FHIT: variants seen among roughly 807,000 people sequenced by gnomAD.
FHIT encodes bis(5'-adenosyl)-triphosphatase.
FHIT carries 19 observed loss-of-function variants against 17.9 expected under a neutral mutation model. That is an observed-to-expected ratio of 1.06 (90% CI 0.74 to 1.56). The LOEUF is 1.56. Among genes scored for constraint, FHIT ranks in the 40% most tolerant of loss-of-function variants. The pLI is 0.00. For synonymous variants in FHIT, 81 were observed against 69.7 expected (o/e 1.16, Z -0.81); for missense variants, 248 against 189.2 (o/e 1.31, Z -1.82).
rs534026531 is a variant in FHIT at position 60,853,979 on chromosome 3, G to A, written c.-110-31968C>T. ...TAATTTGAGTCCTGATTACCTTACT[G>A]TGAAAAACCGTAAACACCAAACAAA... On this transcript the variant is annotated intron_variant, in intron 3 of 9. Transcript: ENST00000492590. Among the ~76,000 whole-genome samples, 3 of 152,142 alleles carry A rather than the reference G, an allele frequency of 2.0e-5. No homozygotes were observed. In the East Asian group the frequency reaches 5.8e-4, roughly 29 times the overall value.
At chr3:59,776,695 C>T (rs1391304623) in intron 8 of FHIT, among the ~76,000 whole-genome samples, 2 of 152,168 alleles carry the variant, frequency 1.3e-5, no homozygotes, top group African/African-American at 4.8e-5. Flanking sequence ...ATGATTCTCC[C>T]CTTCAATAAT....
chr3:60,652,107 G>A (rs1270291247), intron 4 of FHIT, among the ~76,000 whole-genome samples: 1 of 152,128 alleles, frequency 6.6e-6, no homozygotes, highest in Admixed American at 6.5e-5. Context: ...AGAAAGAATC[G>A]AGCCTCAGAA....
chr3:61,101,656 T>G (rs1175447409), intron 2 of FHIT, among the ~76,000 whole-genome samples: 5 of 152,202 alleles, frequency 3.3e-5, no homozygotes, highest in Non-Finnish European at 2.9e-5. Flanking sequence ...GGATGGGCAT[T>G]TTAATGGTAT....
intron 3 of FHIT, among the ~76,000 whole-genome samples, chr3:60,891,852 T>C (rs1553760769): frequency 6.6e-6 from 1 of 152,178 alleles, no homozygotes; most frequent in African/African-American, 2.4e-5. Context: ...AATATCATAC[T>C]TGATCTTCAT....
chr3:59,882,250 T>C (rs1703438841), intron 8 of FHIT, among the ~76,000 whole-genome samples: 1 of 152,164 alleles, frequency 6.6e-6, no homozygotes. Context: ...ATTTAAAACA[T>C]ATTCACACTT....
intron 4 of FHIT, among the ~76,000 whole-genome samples, chr3:60,790,580 C>T (rs1361385065): frequency 7.2e-5 from 11 of 152,244 alleles, no homozygotes; most frequent in East Asian, 3.9e-4. Context: ...AAGGATAGAG[C>T]GAAACTTCCA....
chr3:60,468,441 CTTT>C (rs1267051892), intron 5 of FHIT, among the ~76,000 whole-genome samples: 1 of 151,870 alleles, frequency 6.6e-6, no homozygotes, highest in African/African-American at 2.4e-5. Context: ...TTATTGCTTG[CTTT>C]TTTATTTTTT....
At chr3:60,467,209 T>C (rs1010104658) in intron 5 of FHIT, among the ~76,000 whole-genome samples, 39 of 151,868 alleles carry the variant, frequency 2.6e-4, no homozygotes, top group Admixed American at 1.2e-3. Context: ...TCAATTGTAA[T>C]GTCTCCTTTT....
At chr3:60,774,039 G>C (rs1367428435) in intron 4 of FHIT, among the ~76,000 whole-genome samples, 1 of 152,106 alleles carries the variant, frequency 6.6e-6, no homozygotes, top group Non-Finnish European at 1.5e-5. Context: ...ATGAGCTTAA[G>C]GAAGATACGA....
intron 5 of FHIT, among the ~76,000 whole-genome samples, chr3:60,470,830 G>A (rs1487493380): frequency 6.6e-6 from 1 of 152,150 alleles, no homozygotes; most frequent in South Asian, 2.1e-4. Flanking sequence ...CACAACTGAA[G>A]CCAGCAGGGC....
chr3:60,001,115 G>C (rs971563406), intron 7 of FHIT, among the ~76,000 whole-genome samples: 1 of 152,106 alleles, frequency 6.6e-6, no homozygotes, highest in African/African-American at 2.4e-5. Flanking sequence ...CCTTGTTTTA[G>C]TCTTTCTAGT....
intron 5 of FHIT, among the ~76,000 whole-genome samples, chr3:60,339,734 C>T (rs1301096699): frequency 3.3e-5 from 5 of 152,122 alleles, no homozygotes; most frequent in South Asian, 2.1e-4. Flanking sequence ...CATCGTGCTT[C>T]GGAACAGATG....
intron 5 of FHIT, among the ~76,000 whole-genome samples, chr3:60,223,707 C>T (rs1704062953): frequency 6.6e-6 from 1 of 152,152 alleles, no homozygotes; most frequent in South Asian, 2.1e-4. Context: ...GCCAAGTCTT[C>T]ATTCCTACAT....
At chr3:60,296,954 T>C (rs7647621) in intron 5 of FHIT, among the ~76,000 whole-genome samples, 1,812 of 151,956 alleles carry the variant, frequency 0.012, 44 homozygotes, top group African/African-American at 0.041. Flanking sequence ...GTGGGCATAT[T>C]TGTGTAGGTC....
chr3:59,924,614 T>TA (rs1211686193), intron 7 of FHIT, among the ~76,000 whole-genome samples: 1 of 152,144 alleles, frequency 6.6e-6, no homozygotes, highest in Non-Finnish European at 1.5e-5. Flanking sequence ...TTTTATTATT[T>TA]AAAAAAACAA....
intron 4 of FHIT, among the ~76,000 whole-genome samples, chr3:60,652,080 A>C (rs1189751494): frequency 6.6e-6 from 1 of 152,156 alleles, no homozygotes; most frequent in African/African-American, 2.4e-5. Flanking sequence ...AGGAGGGCCG[A>C]CCTGCCTGGT....
chr3:60,564,132 C>T (rs1207847446), intron 4 of FHIT, among the ~76,000 whole-genome samples: 1 of 152,042 alleles, frequency 6.6e-6, no homozygotes, highest in Non-Finnish European at 1.5e-5. Flanking sequence ...AATCCTGGAT[C>T]CCTTAAGAAT....
At chr3:59,954,949 A>G (rs1053834657) in intron 7 of FHIT, among the ~76,000 whole-genome samples, 2 of 152,212 alleles carry the variant, frequency 1.3e-5, no homozygotes, top group Admixed American at 1.3e-4. Context: ...TTAAGGAACT[A>G]AAACAAAATC....
At chr3:60,114,918 C>T (rs967327317) in intron 5 of FHIT, among the ~76,000 whole-genome samples, 5 of 152,014 alleles carry the variant, frequency 3.3e-5, no homozygotes, top group South Asian at 2.1e-4. Context: ...ACTGAAAAGC[C>T]GCTGTCTGAT....
Sources: gnomAD v4.1 joint callset for allele counts (sites outside exome capture counted in the v4.1 genomes callset) on GRCh38, gnomAD v4.1.1 for gene constraint, MANE v1.5 for transcripts, NCBI Gene and HGNC (gene_info 2026-07-23, HGNC 2026-07-21) for gene names.